The following PALM2AKAP2 variants were observed in gnomAD, a reference collection of about 807,000 sequenced individuals.
PALM2AKAP2 encodes the protein PALM2 and AKAP2 fusion, also known as PALM2-AKAP2 fusion protein.
In PALM2AKAP2, 37 loss-of-function variants were observed where a neutral mutation model predicts 71.5. The observed-to-expected ratio is 0.52, with a 90% CI of 0.40 to 0.68. The LOEUF (loss-of-function observed/expected upper bound fraction) is 0.68. PALM2AKAP2 is among the 30% of genes least tolerant of loss of function. The pLI, the probability that PALM2AKAP2 is intolerant of heterozygous loss-of-function variation, is 0.00. For missense variants in PALM2AKAP2, 1,224 were observed against 1,191.8 expected, an observed-to-expected ratio of 1.03 and a Z score of -0.40; for synonymous variants, 468 against 478.8, an observed-to-expected ratio of 0.98 and a Z score of 0.29.
intron 1 of PALM2AKAP2, among the ~76,000 whole-genome samples, chr9:109,700,730 T>G (rs968169677): frequency 1.3e-5 from 2 of 152,148 alleles, no homozygotes; most frequent in African/African-American, 4.8e-5. Flanking sequence ...TATTTGAAAA[T>G]TTTTGCTGGG....
At chr9:109,663,010 G>C (rs1249509722) in intron 1 of PALM2AKAP2, among the ~76,000 whole-genome samples, 4 of 152,130 alleles carry the variant, frequency 2.6e-5, no homozygotes, top group Non-Finnish European at 1.5e-5. Context: ...GATTGGTGCT[G>C]ATATCCCCTT....
chr9:110,143,172 A>C (rs1836076872), intron 2 of PALM2AKAP2, among the ~76,000 whole-genome samples: 1 of 151,814 alleles, frequency 6.6e-6, no homozygotes, highest in Non-Finnish European at 1.5e-5. Flanking sequence ...CTGTAATCCC[A>C]GCACTTTTGG....
chr9:109,790,377 G>T (rs78464751), intron 1 of PALM2AKAP2, among the ~76,000 whole-genome samples: 2,366 of 152,220 alleles, frequency 0.016, 66 homozygotes, highest in African/African-American at 0.054. Context: ...AGTCATCTAA[G>T]TATTCACTTT....
At chr9:109,658,484 T>C (rs1177632239) in intron 1 of PALM2AKAP2, among the ~76,000 whole-genome samples, 1 of 152,250 alleles carries the variant, frequency 6.6e-6, no homozygotes, top group Non-Finnish European at 1.5e-5. Flanking sequence ...ATAATGAGTT[T>C]AGCACATGAG....
intron 1 of PALM2AKAP2, among the ~76,000 whole-genome samples, chr9:109,717,378 A>G (rs988803244): frequency 2.0e-5 from 3 of 152,104 alleles, no homozygotes; most frequent in African/African-American, 7.2e-5. Flanking sequence ...AGATAGACCA[A>G]ACAGTCAAGA....
intron 1 of PALM2AKAP2, among the ~76,000 whole-genome samples, chr9:110,109,451 C>CG (rs1206836685): frequency 6.6e-6 from 1 of 151,924 alleles, no homozygotes; most frequent in Non-Finnish European, 1.5e-5. Context: ...GGAGCCCTCC[C>CG]GGAAACACAA....
intron 6 of PALM2AKAP2, among the ~76,000 whole-genome samples, chr9:109,978,867 G>A (rs570212943): frequency 1.3e-3 from 201 of 152,222 alleles, no homozygotes; most frequent in African/African-American, 4.7e-3. Context: ...CTAGAGACAC[G>A]CTTGACTCCA....
intron 1 of PALM2AKAP2, among the ~76,000 whole-genome samples, chr9:109,728,464 G>C (rs969907626): frequency 3.9e-5 from 6 of 152,148 alleles, no homozygotes; most frequent in Admixed American, 1.3e-4. Flanking sequence ...TAAAAGAAGC[G>C]AGCTGAGAAA....
intron 1 of PALM2AKAP2, among the ~76,000 whole-genome samples, chr9:109,823,209 A>G (rs1031954052): frequency 6.6e-6 from 1 of 151,940 alleles, no homozygotes; most frequent in Non-Finnish European, 1.5e-5. Flanking sequence ...AATATGCCCA[A>G]GTCTACACAC....
chr9:110,015,469 G>A lies in PALM2AKAP2; in HGVS notation c.497-485G>A, dbSNP rs367595000. Among the ~76,000 whole-genome samples, 367 of 152,148 alleles carry A rather than the reference G, an allele frequency of 2.4e-3. 1 individual carries two copies. The highest frequency in any genetic ancestry group is 7.9e-3 in the African/African-American group (329 of 41,502). The stretch of plus-strand genomic sequence containing the variant: ...ACAAAAATTAGTCAGGTGTGGTGGC[G>A]GGTGCCTGTAATCCCATAATCCCAG... On this transcript the variant is annotated intron_variant, in intron 6 of 9. Coordinates refer to the PALM2AKAP2 transcript ENST00000302798.
At chr9:109,676,454 A>C (rs1036604703) in intron 1 of PALM2AKAP2, among the ~76,000 whole-genome samples, 1 of 152,142 alleles carries the variant, frequency 6.6e-6, no homozygotes, top group Admixed American at 6.6e-5. Flanking sequence ...TCAGTTTTGT[A>C]TATACTGTGT....
chr9:110,014,814 A>G (rs1447477447), intron 6 of PALM2AKAP2, among the ~76,000 whole-genome samples: 1,406 of 34,568 alleles, frequency 0.041, 132 homozygotes, highest in African/African-American at 0.11. Flanking sequence ...ATGTATATAT[A>G]TATATATATA....
intron 1 of PALM2AKAP2, among the ~76,000 whole-genome samples, chr9:110,121,561 T>A (rs1835487552): frequency 6.6e-6 from 1 of 152,194 alleles, no homozygotes; most frequent in Non-Finnish European, 1.5e-5. Context: ...ATGGGCTGGC[T>A]CTTAACTGTG....
chr9:109,878,471 G>T (rs1288345292), intron 2 of PALM2AKAP2, among the ~76,000 whole-genome samples: 2 of 152,120 alleles, frequency 1.3e-5, no homozygotes, highest in Non-Finnish European at 2.9e-5. Context: ...TTGCCTATGT[G>T]CTGCAAGAGT....
intron 1 of PALM2AKAP2, among the ~76,000 whole-genome samples, chr9:109,817,108 T>C (rs1827873342): frequency 6.6e-6 from 1 of 152,256 alleles, no homozygotes; most frequent in Non-Finnish European, 1.5e-5. Flanking sequence ...GAATAAAATA[T>C]GTATTATAAA....
intron 1 of PALM2AKAP2, among the ~76,000 whole-genome samples, chr9:110,083,594 A>T (rs1436298071): frequency 6.6e-6 from 1 of 151,772 alleles, no homozygotes; most frequent in Non-Finnish European, 1.5e-5. Flanking sequence ...TTTTTTTCCT[A>T]CTTATCTGTC....
chr9:110,155,572 C>T (rs1003047741), intron 2 of PALM2AKAP2, among the ~76,000 whole-genome samples: 5 of 152,090 alleles, frequency 3.3e-5, no homozygotes, highest in Non-Finnish European at 5.9e-5. Flanking sequence ...GAGGACATTG[C>T]GAGAGCTAAA....
exon 2 of PALM2AKAP2, chr9:110,137,131 C>T (rs1451114378): frequency 4.3e-6 from 7 of 1,613,572 alleles, no homozygotes; most frequent in Non-Finnish European, 5.9e-6. Flanking sequence ...TCTGCACAGC[C>T]CCTGCCTCTT....
In PALM2AKAP2 at chr9:109,927,144, C is replaced by G. The variant is rs185762647; in HGVS notation, c.394+2062C>G. On this transcript the variant is annotated intron_variant, in intron 5 of 9. Transcript: ENST00000302798. ...CACCCTGCATTATAATTCCTGCCAT[C>G]TGTGGTTATCACCAAGCCTGGGTGA... Among the ~76,000 whole-genome samples, 43 of 152,324 alleles carry G rather than the reference C, an allele frequency of 2.8e-4. No homozygotes were observed. The East Asian group carries it at 3.7e-3, about 13-fold the overall frequency.
Sources: gnomAD v4.1 joint callset for allele counts (sites outside exome capture counted in the v4.1 genomes callset) on GRCh38, gnomAD v4.1.1 for gene constraint, MANE v1.5 for transcripts, NCBI Gene and HGNC (gene_info 2026-07-23, HGNC 2026-07-21) for gene names.